Variants in ITPRID1 observed in about 807,000 individuals in gnomAD.
ITPRID1 encodes protein ITPRID1.
ITPRID1 carries 96 observed loss-of-function variants against 95.4 expected under a neutral mutation model. The observed-to-expected ratio is 1.01, with a 90% CI of 0.85 to 1.19. ITPRID1 has a LOEUF of 1.19. Ranked by LOEUF, ITPRID1 falls within the 50% of genes most tolerant of loss-of-function variation. ITPRID1 has a pLI of 0.00. For synonymous variants in ITPRID1, 510 were observed against 453.6 expected (o/e 1.12, Z -1.58); for missense variants, 1,339 against 1,252.9 (o/e 1.07, Z -1.04).
At chr7:31,525,034 T>G (rs996507783) in intron 1 of ITPRID1, among the ~76,000 whole-genome samples, 2 of 152,206 alleles carry the variant, frequency 1.3e-5, no homozygotes, top group Non-Finnish European at 2.9e-5. Context: ...AGTATTATTA[T>G]TACATTCACT....
chr7:31,586,847 A>G (rs1785636716), intron 10 of ITPRID1, among the ~76,000 whole-genome samples: 1 of 151,860 alleles, frequency 6.6e-6, no homozygotes, highest in Non-Finnish European at 1.5e-5. Flanking sequence ...TAGTTTAATT[A>G]GATCCCATTT....
At chr7:31,648,716 T>C (rs1790698249) in intron 12 of ITPRID1, among the ~76,000 whole-genome samples, 1 of 152,232 alleles carries the variant, frequency 6.6e-6, no homozygotes, top group Non-Finnish European at 1.5e-5. Flanking sequence ...GAAGTGAATT[T>C]GAACCAGTTG....
chr7:31,552,611 T>C (rs919049943), intron 2 of ITPRID1, among the ~76,000 whole-genome samples: 6 of 152,166 alleles, frequency 3.9e-5, no homozygotes, highest in African/African-American at 7.2e-5. Context: ...CCCTCATTTT[T>C]CTCCAACATT....
intron 10 of ITPRID1, among the ~76,000 whole-genome samples, chr7:31,606,011 A>G (rs1479979223): frequency 6.6e-6 from 1 of 152,200 alleles, no homozygotes; most frequent in Non-Finnish European, 1.5e-5. Context: ...GCATTAGCCA[A>G]TAGGTTTTGA....
At chr7:31,526,723 C>T (rs1049910220) in intron 1 of ITPRID1, among the ~76,000 whole-genome samples, 1 of 152,016 alleles carries the variant, frequency 6.6e-6, no homozygotes, top group Non-Finnish European at 1.5e-5. Context: ...GCAATCAGTC[C>T]GTAAGACCTG....
At position 31,654,556 on chromosome 7, in the gene ITPRID1, T is replaced by A. The variant is rs1246749593; in HGVS notation, c.*1727T>A. 6.6e-6 allele frequency among the ~76,000 whole-genome samples: 1 copy of A among 152,134 alleles called. No homozygotes were observed. Among genetic ancestry groups the A allele is most frequent in the Non-Finnish European group, 1.5e-5 (1 of 68,002 alleles). ...TCTACAGTGAGGCAGAGTGCCCAGCTAGGAGGCTGTTGCTGTCATCCCCAA... is the reference window on the plus strand; with the variant it reads ...TCTACAGTGAGGCAGAGTGCCCAGCAAGGAGGCTGTTGCTGTCATCCCCAA... On this transcript the variant is annotated 3_prime_UTR_variant, in exon 15 of 15. Transcript: ENST00000615280.
chr7:31,657,408 C>G (rs1379792189), downstream of ITPRID1, among the ~76,000 whole-genome samples: 2 of 152,154 alleles, frequency 1.3e-5, no homozygotes, highest in Non-Finnish European at 1.5e-5. Flanking sequence ...TTTAAATAAA[C>G]AAAGATCTCA....
chr7:31,588,194 A>G (rs1218194743), intron 10 of ITPRID1, among the ~76,000 whole-genome samples: 6 of 152,194 alleles, frequency 3.9e-5, no homozygotes, highest in Admixed American at 2.6e-4. Flanking sequence ...AAGGTACTGA[A>G]GAGTGACCAA....
At chr7:31,523,666 C>T (rs1049261043) in intron 1 of ITPRID1, among the ~76,000 whole-genome samples, 1 of 152,166 alleles carries the variant, frequency 6.6e-6, no homozygotes. Context: ...TGTGTGGCAT[C>T]CCCACCTCTT....
At position 31,578,347 on chromosome 7, in the gene ITPRID1, T is replaced by A; in HGVS notation, c.1083T>A (p.Thr361=). 6.2e-7 allele frequency: 1 copy of A among 1,613,848 alleles called. No individual in the cohort carries two copies. Among genetic ancestry groups the A allele is most frequent in the Non-Finnish European group, 8.5e-7 (1 of 1,179,824 alleles). ...CTGAGGGGTCAGTCAAGGGCAGAACTCAGAAGGAGAACTTATTTCAGACTA... is the reference window on the plus strand; with the variant it reads ...CTGAGGGGTCAGTCAAGGGCAGAACACAGAAGGAGAACTTATTTCAGACTA... ...CVSEGSVKGR[T]QKENLFQTNK... The change falls in exon 9 of 15, where the codon ACT becomes ACA. Residue 361 remains threonine (T), a synonymous_variant. Coordinates refer to ENST00000615280, the MANE Select transcript of ITPRID1 (RefSeq NM_001257967.3).
chr7:31,600,987 C>G (rs1786370305), intron 10 of ITPRID1, among the ~76,000 whole-genome samples: 1 of 152,160 alleles, frequency 6.6e-6, no homozygotes, highest in African/African-American at 2.4e-5. Context: ...GTCTTCTGCC[C>G]TGCTCATGCC....
At chr7:31,596,965 G>C (rs1786115188) in intron 10 of ITPRID1, among the ~76,000 whole-genome samples, 1 of 151,756 alleles carries the variant, frequency 6.6e-6, no homozygotes, top group African/African-American at 2.4e-5. Context: ...TAAATTTGAG[G>C]ATGGATCAAC....
intron 9 of ITPRID1, among the ~76,000 whole-genome samples, chr7:31,581,069 T>C (rs1047689921): frequency 1.3e-5 from 2 of 152,224 alleles, no homozygotes; most frequent in Admixed American, 1.3e-4. Context: ...AGATTTAATA[T>C]TTATTTTTCA....
At chr7:31,650,288 A>G (rs756509404) in intron 12 of ITPRID1, among the ~76,000 whole-genome samples, 12 of 152,212 alleles carry the variant, frequency 7.9e-5, no homozygotes, top group Admixed American at 3.3e-4. Flanking sequence ...TAGATTTCTC[A>G]GTCAGGCTTT....
At chr7:31,532,991 C>T (rs1380068869) in intron 1 of ITPRID1, among the ~76,000 whole-genome samples, 3 of 151,956 alleles carry the variant, frequency 2.0e-5, no homozygotes, top group Non-Finnish European at 4.4e-5. Flanking sequence ...TCTTGAAATG[C>T]CTTTATCAGG....
In ITPRID1 at chr7:31,656,262, A is replaced by G. The variant is rs1225564935; in HGVS notation, c.*3433A>G. 3.4e-5 allele frequency: 6 copies of G among 176,668 alleles called. No homozygotes were observed. The Admixed American group carries it at 3.9e-4, about 12-fold the overall frequency. The allele number at this position is 176,668 out of a possible 1,614,324, so 10.9% of individuals were successfully genotyped here. ...TACTACCCTGTGTTTAAGAGAGACT[A>G]TCTGGAGGAAAGTACAGACTCCTTT... is the stretch of plus-strand genomic sequence containing the variant. On this transcript the variant is annotated 3_prime_UTR_variant, in exon 15 of 15. Coordinates refer to ENST00000615280, the MANE Select transcript of ITPRID1 (RefSeq NM_001257967.3).
At chr7:31,591,538 G>A (rs889379990) in intron 10 of ITPRID1, among the ~76,000 whole-genome samples, 6 of 152,196 alleles carry the variant, frequency 3.9e-5, no homozygotes, top group Non-Finnish European at 7.3e-5. Context: ...TTGATGGGAA[G>A]TGTGAAGAAA....
intron 10 of ITPRID1, among the ~76,000 whole-genome samples, chr7:31,625,312 C>G (rs967987952): frequency 6.6e-5 from 10 of 151,916 alleles, no homozygotes; most frequent in Admixed American, 6.6e-5. Flanking sequence ...GCTATAAAGA[C>G]ACATGCACTC....
intron 1 of ITPRID1, among the ~76,000 whole-genome samples, chr7:31,522,853 G>A (rs73081502): frequency 0.21 from 31,637 of 152,088 alleles, 3,563 homozygotes; most frequent in East Asian, 0.4. Flanking sequence ...TATAAATAGA[G>A]TTAGTTTGAC....
Sources: allele counts gnomAD v4.1 joint callset (sites outside exome capture counted in the v4.1 genomes callset), GRCh38; gene constraint gnomAD v4.1.1; transcripts MANE v1.5; gene names NCBI Gene and HGNC (gene_info 2026-07-23, HGNC 2026-07-21).